The following FSTL5 variants were observed in gnomAD, a reference collection of about 807,000 sequenced individuals.
FSTL5 encodes the protein follistatin-related protein 5.
In FSTL5, 62 loss-of-function variants were observed where a neutral mutation model predicts 89.1. The observed-to-expected ratio is 0.70, with a 90% CI of 0.57 to 0.86. The LOEUF is 0.86. Ranked by LOEUF, FSTL5 falls within the 40% of genes least tolerant of loss-of-function variation. The probability of loss-of-function intolerance (pLI) is 0.00; values close to 1 mark genes in which losing one functional copy is unlikely to be tolerated. For missense variants in FSTL5, 1,057 were observed against 1,001.6 expected, an observed-to-expected ratio of 1.06 and a Z score of -0.75; for synonymous variants, 383 against 346.2, an observed-to-expected ratio of 1.11 and a Z score of -1.18.
intron 6 of FSTL5, among the ~76,000 whole-genome samples, chr4:161,753,939 G>C (rs1431270077): frequency 6.6e-6 from 1 of 151,014 alleles, no homozygotes; most frequent in African/African-American, 2.4e-5. Context: ...CTACTCCGGA[G>C]GCTGAGGCAG....
chr4:161,815,130 A>C (rs1348464920), intron 4 of FSTL5, among the ~76,000 whole-genome samples: 1 of 152,048 alleles, frequency 6.6e-6, no homozygotes, highest in African/African-American at 2.4e-5. Flanking sequence ...TTAAAATTCA[A>C]GGTTAACAAG....
At chr4:161,566,260 A>G (rs1242921917) in intron 8 of FSTL5, among the ~76,000 whole-genome samples, 1 of 151,230 alleles carries the variant, frequency 6.6e-6, no homozygotes, top group Non-Finnish European at 1.5e-5. Flanking sequence ...TAACTCAGAA[A>G]TGGAAAACAA....
intron 4 of FSTL5, among the ~76,000 whole-genome samples, chr4:161,808,100 T>G (rs1388770902): frequency 1.3e-5 from 2 of 152,116 alleles, no homozygotes; most frequent in Non-Finnish European, 2.9e-5. Context: ...TAAAATATTT[T>G]GGGGGCAATG....
intron 7 of FSTL5, among the ~76,000 whole-genome samples, chr4:161,654,814 C>T (rs1260952744): frequency 6.6e-6 from 1 of 152,000 alleles, no homozygotes. Context: ...GGGATTGCCC[C>T]ACCTCATTTC....
intron 3 of FSTL5, among the ~76,000 whole-genome samples, chr4:161,980,384 G>A (rs1342074505): frequency 1.3e-5 from 2 of 152,088 alleles, no homozygotes; most frequent in Non-Finnish European, 2.9e-5. Context: ...AGAAGTAGCA[G>A]CTGCTTAAGA....
intron 7 of FSTL5, among the ~76,000 whole-genome samples, chr4:161,624,217 C>T (rs1735232419): frequency 6.6e-6 from 1 of 151,928 alleles, no homozygotes; most frequent in Admixed American, 6.6e-5. Context: ...CTGTACTGAC[C>T]TAACATCCCT....
At chr4:161,602,253 A>AAG (rs58991875) in intron 7 of FSTL5, among the ~76,000 whole-genome samples, 3,312 of 122,656 alleles carry the variant, frequency 0.027, 61 homozygotes, top group African/African-American at 0.043. Flanking sequence ...GAGGGAGAGA[A>AAG]AGAGAGAGAG....
chr4:161,548,455 T>C (rs1578916125), intron 8 of FSTL5, among the ~76,000 whole-genome samples: 1 of 151,980 alleles, frequency 6.6e-6, no homozygotes, highest in East Asian at 1.9e-4. Context: ...GAACTGAATT[T>C]TGAAGTGTTT....
rs758871689 is a variant in FSTL5, at chr4:161,481,074, C to T, written c.1554G>A (p.Gln518=). 5.3e-5 allele frequency: 86 copies of T among 1,612,898 alleles called. No homozygotes were observed. The highest frequency in any genetic ancestry group is 4.9e-4 in the Middle Eastern group (3 of 6,078). Residue 518 remains glutamine, a synonymous_variant, in exon 13 of 16, where the codon CAG becomes CAA. Transcript: ENST00000306100. ...NVKDKFIYVA[Q]PTLDRVLIVD... is the part of the protein sequence containing the mutation. ...CAATAAGGACTCTGTCCAAAGTTGG[C>T]TGTGCAACATAAATGAACTTGTCTT...
At chr4:161,927,078 G>A (rs188217946) in intron 3 of FSTL5, among the ~76,000 whole-genome samples, 5 of 151,824 alleles carry the variant, frequency 3.3e-5, no homozygotes, top group Admixed American at 2.0e-4. Context: ...AATTATTTGA[G>A]TGACACTCAG....
At chr4:161,560,232 T>C (rs953284935) in intron 8 of FSTL5, among the ~76,000 whole-genome samples, 2 of 151,840 alleles carry the variant, frequency 1.3e-5, no homozygotes, top group Non-Finnish European at 2.9e-5. Flanking sequence ...AAAAGTAAGA[T>C]ATAATATAAA....
At chr4:161,543,165 A>G (rs1474765461) in intron 8 of FSTL5, among the ~76,000 whole-genome samples, 1 of 152,080 alleles carries the variant, frequency 6.6e-6, no homozygotes, top group Non-Finnish European at 1.5e-5. Context: ...TAGGAAATTA[A>G]TAATTCTGTT....
intron 11 of FSTL5, among the ~76,000 whole-genome samples, chr4:161,508,491 G>T (rs1032552658): frequency 6.6e-6 from 1 of 152,010 alleles, no homozygotes; most frequent in African/African-American, 2.4e-5. Flanking sequence ...AAATGAAATC[G>T]TGATGCATAA....
intron 13 of FSTL5, among the ~76,000 whole-genome samples, chr4:161,469,508 C>G (rs1482076461): frequency 6.6e-6 from 1 of 152,152 alleles, no homozygotes; most frequent in African/African-American, 2.4e-5. Flanking sequence ...TATGAGGTGA[C>G]ATCTCATTGA....
At chr4:162,108,637 G>T (rs972696619) in intron 2 of FSTL5, among the ~76,000 whole-genome samples, 1 of 151,264 alleles carries the variant, frequency 6.6e-6, no homozygotes, top group Admixed American at 6.6e-5. Flanking sequence ...AAATCATATA[G>T]GTTAAAAATA....
At chr4:161,586,151 C>G (rs1733609282) in intron 8 of FSTL5, among the ~76,000 whole-genome samples, 1 of 152,106 alleles carries the variant, frequency 6.6e-6, no homozygotes, top group Non-Finnish European at 1.5e-5. Flanking sequence ...ACTTGTTAAC[C>G]TCAGATCCAA....
intron 7 of FSTL5, among the ~76,000 whole-genome samples, chr4:161,620,599 T>C (rs1190362852): frequency 1.3e-5 from 2 of 152,092 alleles, no homozygotes; most frequent in South Asian, 4.1e-4. Context: ...GAGGTTGAGA[T>C]GAGCCGAGAT....
At chr4:161,592,616 T>C (rs934943343) in intron 7 of FSTL5, among the ~76,000 whole-genome samples, 1 of 152,206 alleles carries the variant, frequency 6.6e-6, no homozygotes, top group South Asian at 2.1e-4. Flanking sequence ...TCCTTTTCTA[T>C]GGCTGCATAG....
intron 10 of FSTL5, among the ~76,000 whole-genome samples, chr4:161,533,129 G>C (rs1731479534): frequency 6.8e-6 from 1 of 147,398 alleles, no homozygotes; most frequent in South Asian, 2.1e-4. Flanking sequence ...AGGTTAGAAA[G>C]ACCTCAAGTT....
Sources: allele counts gnomAD v4.1 joint callset (sites outside exome capture counted in the v4.1 genomes callset), GRCh38; gene constraint gnomAD v4.1.1; transcripts MANE v1.5; gene names NCBI Gene and HGNC (gene_info 2026-07-23, HGNC 2026-07-21).